Variants in FAM149A observed in about 807,000 individuals in gnomAD.
The protein encoded by FAM149A is protein FAM149A.
A neutral mutation model predicts 78.2 loss-of-function variants in FAM149A; 71 were observed. The observed-to-expected ratio is 0.91, with a 90% CI of 0.75 to 1.11. The LOEUF (loss-of-function observed/expected upper bound fraction) is 1.11. FAM149A is among the 50% of genes least tolerant of loss of function. The probability of loss-of-function intolerance (pLI) is 0.00; values close to 1 mark genes in which losing one functional copy is unlikely to be tolerated. For synonymous variants in FAM149A, 446 were observed against 410.5 expected (o/e 1.09, Z -1.04); for missense variants, 1,036 against 971.0 (o/e 1.07, Z -0.89).
chr4:186,160,479 C>T (rs575939761), intron 8 of FAM149A, among the ~76,000 whole-genome samples: 1 of 150,026 alleles, frequency 6.7e-6, no homozygotes, highest in African/African-American at 2.5e-5. Context: ...ACACCACACA[C>T]ACACCACACA....
chr4:186,151,755 G>T, intron 3 of FAM149A, 148 bp from the exon 4 acceptor site: 1 of 1,430,046 alleles, frequency 7.0e-7, no homozygotes, highest in Non-Finnish European at 9.2e-7. Flanking sequence ...TAGAGCACAG[G>T]TGTGTCTGAC....
intron 1 of FAM149A, among the ~76,000 whole-genome samples, 168 bp from the exon 2 acceptor site, chr4:186,148,999 GGTGTGT>G (rs70964919): frequency 0.34 from 50,571 of 147,960 alleles, 8,802 homozygotes; most frequent in Middle Eastern, 0.49. Context: ...ATCAGGATGG[GGTGTGT>G]GTGTGTGTGT....
At chr4:186,155,915 T>C (rs956345609) in intron 6 of FAM149A, 85 bp from the exon 7 acceptor site, 5 of 1,036,706 alleles carry the variant, frequency 4.8e-6, no homozygotes, top group South Asian at 1.6e-5. Flanking sequence ...TATGTATACA[T>C]GTACATACGT....
At chr4:186,149,333 A>C (rs780887121) in intron 2 of FAM149A, 50 bp downstream of exon 2, 3 of 1,265,200 alleles carry the variant, frequency 2.4e-6, no homozygotes, top group East Asian at 5.6e-5. Flanking sequence ...TGCCCGTAAC[A>C]AATGTGGGAA....
In FAM149A at chr4:186,105,275, C is replaced by G; in HGVS notation, c.199C>G (p.Arg67Gly). The G allele has an allele frequency of 1.7e-6, 2 of 1,193,980 alleles. No individual in the cohort carries two copies. Among genetic ancestry groups the G allele is most frequent in the Non-Finnish European group, 2.1e-6 (2 of 950,140 alleles). The allele number at this position is 1,193,980 out of a possible 1,614,324, so 74.0% of individuals were successfully genotyped here. The change falls in exon 1 of 14, where the codon CGG (arginine) becomes GGG (glycine). Residue 67 changes from arginine to glycine, a missense_variant. This residue lies in a region of FAM149A where 316 missense variants were observed against 241.9 expected (regional missense o/e 1.31). Transcript: ENST00000389354. Reference sequence around the variant, plus strand: ...GGCTCCGGACTCCCCCTCCGCCTCGCGGCGGTCGCCCGCCCCGCTGCTCTC... The same window carrying G: ...GGCTCCGGACTCCCCCTCCGCCTCGGGGCGGTCGCCCGCCCCGCTGCTCTC...
intron 1 of FAM149A, 109 bp from the exon 2 acceptor site, chr4:186,149,064 G>A: frequency 2.4e-6 from 2 of 823,402 alleles, no homozygotes; most frequent in Non-Finnish European, 3.3e-6. Flanking sequence ...GGAGGGATGT[G>A]GCAGAACGAG....
At chr4:186,145,854 C>T (rs1177563555) in intron 1 of FAM149A, among the ~76,000 whole-genome samples, 2 of 152,156 alleles carry the variant, frequency 1.3e-5, no homozygotes, top group Non-Finnish European at 2.9e-5. Flanking sequence ...AAGTTGTGTA[C>T]ACTTTCTTAG....
chr4:186,151,039 A>G, intron 3 of FAM149A: 1 of 985,080 alleles, frequency 1.0e-6, no homozygotes, highest in Non-Finnish European at 1.2e-6. Flanking sequence ...CCCCACTCCC[A>G]CTGCACATGG....
In FAM149A at chr4:186,157,664, C is replaced by T. The variant is rs1178614656; in HGVS notation, c.1520C>T (p.Ser507Phe). The T allele has an allele frequency of 2.5e-6, 4 of 1,613,982 alleles. No homozygotes were observed. Among genetic ancestry groups the T allele is most frequent in the East Asian group, 2.2e-5 (1 of 44,892 alleles). ...GCCGATGGAGCCAGTGGCCCCCCGTCCGGACACGCCGAGGCTCACGGCATC... is the reference window on the plus strand; with the variant it reads ...GCCGATGGAGCCAGTGGCCCCCCGTTCGGACACGCCGAGGCTCACGGCATC... Residue 507 changes from serine to phenylalanine, a missense_variant, in exon 8 of 14, where the codon TCC (serine) becomes TTC (phenylalanine). This residue lies in a region of FAM149A where 716 missense variants were observed against 711.8 expected (regional missense o/e 1.01). Coordinates refer to ENST00000389354, the MANE Select transcript of FAM149A (RefSeq NM_001367768.3).
intron 1 of FAM149A, among the ~76,000 whole-genome samples, chr4:186,111,595 C>CT (rs1164298863): frequency 6.7e-6 from 1 of 149,548 alleles, no homozygotes; most frequent in Non-Finnish European, 1.5e-5. Context: ...AAGGGATCCA[C>CT]TTTCAGCTTT....
intron 1 of FAM149A, among the ~76,000 whole-genome samples, chr4:186,136,440 G>A (rs2099322735): frequency 6.6e-6 from 1 of 152,084 alleles, no homozygotes. Flanking sequence ...GTATAATATG[G>A]ACAATTTCAT....
chr4:186,105,864 G>C (rs1355093166), intron 1 of FAM149A, among the ~76,000 whole-genome samples: 1 of 152,230 alleles, frequency 6.6e-6, no homozygotes, highest in Non-Finnish European at 1.5e-5. Flanking sequence ...CTTTCTCAGA[G>C]TGAATCCTAA....
intron 1 of FAM149A, among the ~76,000 whole-genome samples, chr4:186,118,515 T>G (rs1295056328): frequency 6.6e-6 from 1 of 152,246 alleles, no homozygotes; most frequent in African/African-American, 2.4e-5. Flanking sequence ...GTTTTAAAAG[T>G]ATTTACATAC....
chr4:186,142,359 A>G (rs1489777107), intron 1 of FAM149A, among the ~76,000 whole-genome samples: 1 of 152,178 alleles, frequency 6.6e-6, no homozygotes, highest in Non-Finnish European at 1.5e-5. Context: ...CCTCATCTGT[A>G]CGCGGACATG....
chr4:186,163,613 A>C lies in FAM149A; in HGVS notation c.1869A>C (p.Glu623Asp), dbSNP rs759057010. ...AAACTCCCAACATCTATAGTGACGA[A>C]GTTCTTCGGGGAACAAAACTGTGAG... is the stretch of plus-strand genomic sequence containing the variant. The change falls in exon 10 of 14, where the codon GAA (glutamate) becomes GAC (aspartate). Residue 623 changes from glutamate to aspartate, a missense_variant. Coordinates refer to ENST00000389354, the MANE Select transcript of FAM149A (RefSeq NM_001367768.3). 1.1e-5 allele frequency: 18 copies of C among 1,614,004 alleles called. No homozygotes were observed. Among genetic ancestry groups the C allele is most frequent in the Non-Finnish European group, 1.5e-5 (18 of 1,179,906 alleles).
intron 1 of FAM149A, among the ~76,000 whole-genome samples, chr4:186,134,193 CTTT>C (rs2099321887): frequency 6.6e-6 from 1 of 152,158 alleles, no homozygotes; most frequent in Admixed American, 6.5e-5. Context: ...GAGGACTGAT[CTTT>C]TTTACATTTT....
chr4:186,136,959 TCTCTTTCTCTCTCTCTTTCTCTCTCTCTC>T (rs2099323154), intron 1 of FAM149A, among the ~76,000 whole-genome samples: 35 of 105,468 alleles, frequency 3.3e-4, no homozygotes, highest in Middle Eastern at 4.6e-3. Flanking sequence ...TCTCTCTCTC[TCTCTTTCTCTCTCTCTTTCTCTCTCTCTC>T]TCTCTCTCTC....
In FAM149A at chr4:186,105,213, C is replaced by A; in HGVS notation, c.137C>A (p.Thr46Asn). The A allele has an allele frequency of 7.9e-7, 1 of 1,268,792 alleles. No individual in the cohort carries two copies. The highest frequency in any genetic ancestry group is 1.6e-5 in the African/African-American group (1 of 62,850). 78.6% of individuals were successfully genotyped at this position (1,268,792 alleles called of 1,614,324 possible). ...GGGTCGGGGGGCTCCAGGGCGGGCA[C>A]CCCGTTGGGTACCGCCCCGACCCTC... Residue 46 changes from threonine to asparagine, a missense_variant, in exon 1 of 14, where the codon ACC becomes AAC. By Grantham distance (65) the Thr-to-Asn change is moderately conservative (BLOSUM62 0). This residue lies in a region of FAM149A where 316 missense variants were observed against 241.9 expected (regional missense o/e 1.31). Transcript: ENST00000389354.
chr4:186,158,132 A>T, intron 8 of FAM149A: 2 of 1,297,188 alleles, frequency 1.5e-6, no homozygotes, highest in Admixed American at 4.6e-5. Context: ...GTCTTGCTCC[A>T]GGAACACTGG....
Sources: allele counts gnomAD v4.1 joint callset (sites outside exome capture counted in the v4.1 genomes callset), GRCh38; gene constraint gnomAD v4.1.1; regional missense constraint gnomAD v4.1.1; transcripts MANE v1.5; gene names NCBI Gene and HGNC (gene_info 2026-07-23, HGNC 2026-07-21).